NKAIN2: variants seen among roughly 807,000 people sequenced by gnomAD.
NKAIN2 encodes sodium/potassium transporting ATPase interacting 2, also known as sodium/potassium-transporting ATPase subunit beta-1-interacting protein 2.
Under a neutral mutation model 32.6 loss-of-function variants are expected in NKAIN2, and 14 were observed. The observed-to-expected ratio is 0.43, with a 90% CI of 0.28 to 0.67. NKAIN2 has a LOEUF of 0.67. NKAIN2 is among the 30% of genes least tolerant of loss of function. The pLI, the probability that NKAIN2 is intolerant of heterozygous loss-of-function variation, is 0.17. For missense variants in NKAIN2, 198 were observed against 258.3 expected (o/e 0.77, Z 1.60); for synonymous variants, 80 against 87.2 (o/e 0.92, Z 0.46).
intron 1 of NKAIN2, among the ~76,000 whole-genome samples, chr6:124,012,782 G>A (rs1300751935): frequency 2.0e-5 from 3 of 152,108 alleles, no homozygotes; most frequent in African/African-American, 4.8e-5. Context: ...TACAAAATTA[G>A]CTACTGTAAA....
At chr6:124,435,913 A>T (rs200894586) in intron 3 of NKAIN2, among the ~76,000 whole-genome samples, 1 of 93,846 alleles carries the variant, frequency 1.1e-5, no homozygotes, top group Admixed American at 1.0e-4. Context: ...ATTCTAAAAT[A>T]AAAATACCAG....
intron 3 of NKAIN2, among the ~76,000 whole-genome samples, chr6:124,410,877 G>A (rs984111707): frequency 2.0e-5 from 3 of 152,084 alleles, no homozygotes; most frequent in African/African-American, 7.2e-5. Flanking sequence ...CCTGTATTGG[G>A]TGCATATATA....
intron 1 of NKAIN2, among the ~76,000 whole-genome samples, chr6:123,877,115 A>G (rs1426284197): frequency 6.6e-6 from 1 of 152,202 alleles, no homozygotes. Flanking sequence ...CTTTTGGTCC[A>G]GATTTTATTA....
intron 3 of NKAIN2, among the ~76,000 whole-genome samples, chr6:124,440,567 G>A (rs150297252): frequency 1.3e-5 from 2 of 152,088 alleles, no homozygotes; most frequent in East Asian, 3.9e-4. Context: ...TTAAAATTGG[G>A]CAAGTGAGTA....
intron 1 of NKAIN2, among the ~76,000 whole-genome samples, chr6:123,859,159 TAAG>T (rs1320431556): frequency 1.3e-5 from 2 of 152,158 alleles, no homozygotes; most frequent in Admixed American, 6.5e-5. Flanking sequence ...TGGAATGACA[TAAG>T]AAATTCAATC....
chr6:124,025,073 A>C (rs1781044265), intron 1 of NKAIN2, among the ~76,000 whole-genome samples: 1 of 152,180 alleles, frequency 6.6e-6, no homozygotes, highest in African/African-American at 2.4e-5. Flanking sequence ...TAACTAGTCC[A>C]TGCTAAGTAT....
At chr6:124,377,422 G>T (rs10457447) in intron 3 of NKAIN2, among the ~76,000 whole-genome samples, 27,929 of 152,182 alleles carry the variant, frequency 0.18, 2,988 homozygotes, top group Admixed American at 0.28. Context: ...AATTGCAATG[G>T]TGTGTGATGG....
At chr6:124,094,501 CT>C (rs1784569016) in intron 1 of NKAIN2, among the ~76,000 whole-genome samples, 1 of 152,048 alleles carries the variant, frequency 6.6e-6, no homozygotes, top group East Asian at 1.9e-4. Flanking sequence ...ATGTTAGGTG[CT>C]TTTCTTTGTT....
At chr6:123,828,277 A>T (rs980624734) in intron 1 of NKAIN2, among the ~76,000 whole-genome samples, 3 of 152,162 alleles carry the variant, frequency 2.0e-5, no homozygotes, top group Non-Finnish European at 4.4e-5. Flanking sequence ...ACATTTATTA[A>T]ATGAATGCAC....
intron 1 of NKAIN2, among the ~76,000 whole-genome samples, chr6:123,823,960 A>G (rs1366175231): frequency 6.6e-6 from 1 of 152,182 alleles, no homozygotes; most frequent in Non-Finnish European, 1.5e-5. Context: ...CACATAGCAT[A>G]TTCTTTAAGA....
chr6:124,806,278 A>T (rs1780554417), intron 5 of NKAIN2, among the ~76,000 whole-genome samples: 1 of 152,234 alleles, frequency 6.6e-6, no homozygotes, highest in Non-Finnish European at 1.5e-5. Flanking sequence ...CCATCAGACT[A>T]ACAGCGGATC....
chr6:124,360,087 G>A (rs1032428508), intron 3 of NKAIN2, among the ~76,000 whole-genome samples: 27 of 151,884 alleles, frequency 1.8e-4, no homozygotes, highest in East Asian at 1.9e-4. Flanking sequence ...ATTGATTTGC[G>A]AATGTTGAAC....
chr6:124,407,262 G>C (rs1773903889), intron 3 of NKAIN2, among the ~76,000 whole-genome samples: 1 of 152,016 alleles, frequency 6.6e-6, no homozygotes, highest in South Asian at 2.1e-4. Context: ...TGTTACATAT[G>C]TATACATGTG....
intron 1 of NKAIN2, among the ~76,000 whole-genome samples, chr6:123,956,745 C>T (rs983883482): frequency 3.3e-5 from 5 of 152,154 alleles, no homozygotes; most frequent in African/African-American, 1.2e-4. Context: ...GTAACAGTTC[C>T]ATCCAAGTTA....
intron 1 of NKAIN2, among the ~76,000 whole-genome samples, chr6:123,836,996 T>C (rs934969902): frequency 6.6e-6 from 1 of 152,202 alleles, no homozygotes; most frequent in African/African-American, 2.4e-5. Flanking sequence ...TATGCTCTGA[T>C]GTTACATAAA....
At chr6:124,708,613 G>C (rs1382129292) in intron 4 of NKAIN2, among the ~76,000 whole-genome samples, 1 of 150,984 alleles carries the variant, frequency 6.6e-6, no homozygotes, top group Non-Finnish European at 1.5e-5. Flanking sequence ...AATTGTGAAT[G>C]GGAGTTCACT....
At chr6:124,640,148 T>C (rs988252402) in intron 3 of NKAIN2, among the ~76,000 whole-genome samples, 1 of 152,016 alleles carries the variant, frequency 6.6e-6, no homozygotes, top group Non-Finnish European at 1.5e-5. Context: ...GCACAGACAC[T>C]ATACGAGTCA....
At chr6:124,227,589 TAATA>T (rs1792190093) in intron 1 of NKAIN2, among the ~76,000 whole-genome samples, 1 of 152,196 alleles carries the variant, frequency 6.6e-6, no homozygotes, top group African/African-American at 2.4e-5. Flanking sequence ...TTTTTGCCTC[TAATA>T]AATAAGCATA....
intron 3 of NKAIN2, among the ~76,000 whole-genome samples, chr6:124,564,745 C>T (rs984985436): frequency 6.6e-6 from 1 of 152,162 alleles, no homozygotes; most frequent in Non-Finnish European, 1.5e-5. Context: ...AGGATGATTG[C>T]ACAAGTTGAT....
Sources: gnomAD v4.1 joint callset for allele counts (sites outside exome capture counted in the v4.1 genomes callset) on GRCh38, gnomAD v4.1.1 for gene constraint, MANE v1.5 for transcripts, NCBI Gene and HGNC (gene_info 2026-07-23, HGNC 2026-07-21) for gene names.